DARS1: variants seen among roughly 807,000 people sequenced by gnomAD.
The protein encoded by DARS1 is aspartate--tRNA ligase, cytoplasmic.
Under a neutral mutation model 68.8 loss-of-function variants are expected in DARS1, and 51 were observed. The ratio of observed to expected loss-of-function variants is 0.74; its 90% CI spans 0.59 to 0.94. The LOEUF (loss-of-function observed/expected upper bound fraction) is 0.94. DARS1 is among the 40% of genes least tolerant of loss of function. The pLI, the probability that DARS1 is intolerant of heterozygous loss-of-function variation, is 0.00. For missense variants in DARS1, 607 were observed against 597.3 expected (o/e 1.02, Z -0.17); for synonymous variants, 203 against 190.4 (o/e 1.07, Z -0.55).
At position 135,979,383 on chromosome 2, in the gene DARS1, C is replaced by A; in HGVS notation, c.125-17G>T. ...AAACTCGATCTGTAATAACAGTAAA[C>A]GATTTTTATATAGTAAAATAATTTT... On this transcript the variant is annotated splice_polypyrimidine_tract_variant and intron_variant, in intron 2 of 15. Transcript: ENST00000264161. The A allele has an allele frequency of 1.0e-6, 1 of 972,808 alleles. No homozygotes were observed. The highest frequency in any genetic ancestry group is 2.4e-5 in the East Asian group (1 of 41,984). The allele number at this position is 972,808 out of a possible 1,614,324, so 60.3% of individuals were successfully genotyped here.
chr2:135,911,548 T>C (rs896807954), intron 13 of DARS1, 55 bp from the exon 14 acceptor site: 5 of 755,982 alleles, frequency 6.6e-6, no homozygotes, highest in African/African-American at 5.3e-5. Flanking sequence ...TTCTATTACA[T>C]ATATACGGAA....
In DARS1 at chr2:135,985,603, G is replaced by C. The variant is rs1258886680; in HGVS notation, c.-135C>G. The C allele has an allele frequency of 6.6e-7, 1 of 1,525,072 alleles. No homozygotes were observed. The highest frequency in any genetic ancestry group is 1.7e-4 in the Middle Eastern group (1 of 5,796). The allele number at this position is 1,525,072 out of a possible 1,614,324, so 94.5% of individuals were successfully genotyped here. A position where few individuals can be genotyped will look rare whatever the true frequency, so the allele number is the denominator to read the frequency against. On this transcript the variant is annotated 5_prime_UTR_variant, in exon 1 of 16. Transcript: ENST00000264161. ...CTCAGCACACGCGCTCGGACTCCGC[G>C]TGGAGGTGCGGCTCCAGAAAGATCG...
At position 135,922,309 on chromosome 2, in the gene DARS1, T is replaced by A. The variant is rs191475541; in HGVS notation, c.811+475A>T. On this transcript the variant is annotated intron_variant, in intron 9 of 15. Transcript: ENST00000264161. ...TAAGAAATTATAAAGGACAAAAACA[T>A]ATATTTCTTTGACCACTGCAACTAC... Among the ~76,000 whole-genome samples the A allele has an allele frequency of 1.0e-3, 158 of 152,182 alleles. 3 individuals carry two copies. Among genetic ancestry groups the A allele is most frequent in the Admixed American group, 3.2e-3 (49 of 15,282 alleles).
chr2:135,942,159 T>C (rs1054310371), intron 5 of DARS1, among the ~76,000 whole-genome samples: 4 of 152,132 alleles, frequency 2.6e-5, no homozygotes, highest in Non-Finnish European at 4.4e-5. Context: ...ACTGGGTATA[T>C]ACCCAAAGGA....
At chr2:135,943,532 ACTC>A (rs769152109) in intron 4 of DARS1, 52 bp from the exon 5 acceptor site, 1 of 1,590,168 alleles carries the variant, frequency 6.3e-7, no homozygotes, top group East Asian at 2.2e-5. Flanking sequence ...AGGTGTCAGA[ACTC>A]CTCTGGTGTT....
In DARS1 at chr2:135,935,040, T is replaced by C. The variant is rs553349881; in HGVS notation, c.424-1050A>G. Among the ~76,000 whole-genome samples, 37 of 152,012 alleles carry C rather than the reference T, an allele frequency of 2.4e-4. 1 individual carries two copies. Among genetic ancestry groups the C allele is most frequent in the Admixed American group, 6.5e-4 (10 of 15,272 alleles). ...TCGTGACCTCGTGATCTGCCTGCAA[T>C]GGCCTCCCAAAGTTCTGGGATTACA... On this transcript the variant is annotated intron_variant, in intron 5 of 15. Coordinates refer to ENST00000264161, the MANE Select transcript of DARS1 (RefSeq NM_001349.4).
intron 3 of DARS1, 111 bp from the exon 4 acceptor site, chr2:135,961,609 C>G (rs1682102972): frequency 2.9e-6 from 2 of 695,310 alleles, no homozygotes. Context: ...CTATACTCAT[C>G]AGGCACGCAT....
intron 3 of DARS1, among the ~76,000 whole-genome samples, chr2:135,974,212 A>G (rs1682448171): frequency 2.0e-5 from 3 of 152,226 alleles, no homozygotes; most frequent in Admixed American, 2.0e-4. Flanking sequence ...GAATGTGTGT[A>G]CTGGATGACG....
chr2:135,934,993 G>A (rs1226930810), intron 5 of DARS1, among the ~76,000 whole-genome samples: 1 of 151,764 alleles, frequency 6.6e-6, no homozygotes, highest in East Asian at 2.0e-4. Flanking sequence ...ATTTCGCTAT[G>A]TTGGCCAGGC....
chr2:135,966,840 T>C (rs1682248560), intron 3 of DARS1, among the ~76,000 whole-genome samples: 2 of 152,208 alleles, frequency 1.3e-5, no homozygotes, highest in African/African-American at 2.4e-5. Flanking sequence ...TATTTTAAAT[T>C]TAAATTCTTA....
intron 1 of DARS1, 154 bp downstream of exon 1, chr2:135,985,249 G>A (rs923909850): frequency 2.3e-6 from 3 of 1,279,154 alleles, no homozygotes; most frequent in Admixed American, 2.9e-5. Context: ...CCCCACTGCT[G>A]GGGCAAGGGC....
chr2:135,932,977 G>C (rs1681388037), intron 6 of DARS1, 135 bp from the exon 7 acceptor site: 1 of 547,714 alleles, frequency 1.8e-6, no homozygotes, highest in Non-Finnish European at 3.2e-6. Flanking sequence ...CCGAAAATCA[G>C]ATAATGGTAG....
At chr2:135,967,387 G>A (rs993238498) in intron 3 of DARS1, among the ~76,000 whole-genome samples, 1 of 152,188 alleles carries the variant, frequency 6.6e-6, no homozygotes, top group African/African-American at 2.4e-5. Context: ...TTTTGTGCCA[G>A]TGCCTTCCAC....
intron 3 of DARS1, among the ~76,000 whole-genome samples, chr2:135,969,197 A>C (rs1383321208): frequency 6.7e-6 from 1 of 149,604 alleles, no homozygotes; most frequent in Non-Finnish European, 1.5e-5. Flanking sequence ...ACTAGTTATC[A>C]TGGAAGGGTT....
At chr2:135,914,289 G>A (rs1680958023) in intron 12 of DARS1, among the ~76,000 whole-genome samples, 180 bp downstream of exon 12, 1 of 152,126 alleles carries the variant, frequency 6.6e-6, no homozygotes, top group Non-Finnish European at 1.5e-5. Flanking sequence ...GAGAAAGGCA[G>A]GCTGTCTGAA....
At chr2:135,948,913 T>G (rs1415469209) in intron 4 of DARS1, among the ~76,000 whole-genome samples, 1 of 149,676 alleles carries the variant, frequency 6.7e-6, no homozygotes, top group Non-Finnish European at 1.5e-5. Context: ...CAAACTGAAA[T>G]TTTAACCTAC....
chr2:135,917,334 C>G (rs956559948), intron 10 of DARS1, among the ~76,000 whole-genome samples: 2 of 152,100 alleles, frequency 1.3e-5, no homozygotes, highest in African/African-American at 4.8e-5. Context: ...GCTCATTAGA[C>G]TATTGCACAT....
chr2:135,962,559 T>C (rs1444307241), intron 3 of DARS1, among the ~76,000 whole-genome samples: 4 of 152,228 alleles, frequency 2.6e-5, no homozygotes, highest in Admixed American at 2.6e-4. Flanking sequence ...TATTTTGAAA[T>C]GCAAATCAGA....
At chr2:135,963,537 A>C (rs1396635199) in intron 3 of DARS1, among the ~76,000 whole-genome samples, 1 of 151,626 alleles carries the variant, frequency 6.6e-6, no homozygotes, top group Non-Finnish European at 1.5e-5. Context: ...AGGCCTAGCT[A>C]ATTTTTGTAT....
Sources: gnomAD v4.1 joint callset for allele counts (sites outside exome capture counted in the v4.1 genomes callset) on GRCh38, gnomAD v4.1.1 for gene constraint, MANE v1.5 for transcripts, NCBI Gene and HGNC (gene_info 2026-07-23, HGNC 2026-07-21) for gene names.